Variants in COL11A1 observed in about 807,000 individuals in gnomAD.
COL11A1 encodes the protein collagen type XI alpha 1 chain.
A neutral mutation model predicts 265.2 loss-of-function variants in COL11A1; 74 were observed. The observed-to-expected ratio is 0.28, with a 90% CI of 0.23 to 0.34. The LOEUF (loss-of-function observed/expected upper bound fraction) is 0.34, where lower values mean the gene tolerates loss of function less well. Ranked by LOEUF, COL11A1 falls within the 10% of genes least tolerant of loss-of-function variation. The pLI, the probability that COL11A1 is intolerant of heterozygous loss-of-function variation, is 1.00. For missense variants in COL11A1, 2,165 were observed against 2,263.6 expected (o/e 0.96, Z 0.88); for synonymous variants, 816 against 727.6 (o/e 1.12, Z -1.96).
At position 103,014,557 on chromosome 1, in the gene COL11A1, A is replaced by G; in HGVS notation, c.1526T>C (p.Ile509Thr). The G allele has an allele frequency of 1.2e-6, 2 of 1,613,752 alleles. No homozygotes were observed. Among genetic ancestry groups the G allele is most frequent in the Non-Finnish European group, 1.7e-6 (2 of 1,179,768 alleles). ...YGGDGSKGPT[I>T]SAQEAQAQAI... is the part of the protein sequence containing the mutation. ...TTGAGCCTGAGCTTCCTGAGCAGAG[A>G]TGGTTGGTCCTTTGGAACCATCACC... The change falls in exon 13 of 67, where the codon ATC becomes ACC. Residue 509 changes from isoleucine (I) to threonine (T), a missense_variant. Ile to Thr is a moderately conservative substitution (Grantham distance 89). Transcript: ENST00000370096.
intron 46 of COL11A1, among the ~76,000 whole-genome samples, chr1:102,928,019 T>A (rs1656833793): frequency 6.6e-6 from 1 of 152,124 alleles, no homozygotes; most frequent in Non-Finnish European, 1.5e-5. Context: ...TGCCTGGGAC[T>A]TCGTGTTCCT....
At chr1:103,001,008 CA>C (rs1665050687) in intron 24 of COL11A1, 3 of 392,452 alleles carry the variant, frequency 7.6e-6, no homozygotes, top group Non-Finnish European at 1.3e-5. Flanking sequence ...GTCACATACA[CA>C]TTCATATGAT....
chr1:102,917,662 T>C (rs1408115075), intron 49 of COL11A1, among the ~76,000 whole-genome samples: 2 of 151,928 alleles, frequency 1.3e-5, no homozygotes, highest in South Asian at 2.1e-4. Context: ...TTCGTTCTTA[T>C]CAACTATAAA....
intron 41 of COL11A1, among the ~76,000 whole-genome samples, chr1:102,955,147 T>C (rs911850757): frequency 2.0e-5 from 3 of 151,826 alleles, no homozygotes; most frequent in African/African-American, 7.3e-5. Flanking sequence ...ATGTATAGAG[T>C]CTGACTTGGC....
chr1:103,012,245 G>T (rs535343503), intron 14 of COL11A1, among the ~76,000 whole-genome samples, 168 bp downstream of exon 14: 1 of 151,742 alleles, frequency 6.6e-6, no homozygotes, highest in African/African-American at 2.4e-5. Flanking sequence ...TGATCAAAAT[G>T]TACAGAAAAC....
intron 4 of COL11A1, among the ~76,000 whole-genome samples, chr1:103,061,161 G>A (rs1670645271): frequency 6.6e-6 from 1 of 152,084 alleles, no homozygotes; most frequent in African/African-American, 2.4e-5. Flanking sequence ...TAGAGATAAA[G>A]TGAGGCATTA....
At chr1:103,106,193 G>T (rs1337190) in intron 1 of COL11A1, among the ~76,000 whole-genome samples, 10,076 of 152,060 alleles carry the variant, frequency 0.066, 489 homozygotes, top group African/African-American at 0.13. Context: ...TTCACATATC[G>T]CCACAGAAAG....
chr1:103,073,924 A>G (rs1242519426), intron 4 of COL11A1, among the ~76,000 whole-genome samples: 1 of 152,012 alleles, frequency 6.6e-6, no homozygotes, highest in Non-Finnish European at 1.5e-5. Flanking sequence ...TTGACAAAGA[A>G]ACGACTCAAA....
chr1:102,881,020 A>G (rs1357141196), intron 65 of COL11A1, among the ~76,000 whole-genome samples: 3 of 152,086 alleles, frequency 2.0e-5, no homozygotes, highest in Non-Finnish European at 4.4e-5. Flanking sequence ...TTGTATAGAA[A>G]TAATAACTGT....
chr1:103,033,767 T>G (rs781722953), intron 4 of COL11A1, among the ~76,000 whole-genome samples: 18 of 152,132 alleles, frequency 1.2e-4, no homozygotes, highest in Non-Finnish European at 2.2e-4. Flanking sequence ...GGAACTTTAT[T>G]AGTGAACATT....
chr1:103,035,208 T>C (rs1668272909), intron 4 of COL11A1, among the ~76,000 whole-genome samples: 1 of 152,082 alleles, frequency 6.6e-6, no homozygotes, highest in Non-Finnish European at 1.5e-5. Flanking sequence ...GTATCCTAGA[T>C]GATCAGATTA....
At chr1:103,028,811 A>G (rs1050090450) in intron 5 of COL11A1, among the ~76,000 whole-genome samples, 3 of 152,168 alleles carry the variant, frequency 2.0e-5, no homozygotes, top group African/African-American at 7.2e-5. Context: ...TCCTTTATAA[A>G]AGATTGTCAC....
At chr1:103,018,226 G>T (rs1307106027) in intron 10 of COL11A1, among the ~76,000 whole-genome samples, 2 of 152,118 alleles carry the variant, frequency 1.3e-5, no homozygotes, top group Non-Finnish European at 1.5e-5. Context: ...TGAACATGTA[G>T]AAATCATTTA....
intron 41 of COL11A1, among the ~76,000 whole-genome samples, chr1:102,949,170 T>A (rs189299039): frequency 6.6e-5 from 10 of 152,202 alleles, no homozygotes; most frequent in Admixed American, 4.6e-4. Context: ...TCTACTCAAG[T>A]TAAAATTAAT....
chr1:102,884,084 T>C (rs1650628363), intron 63 of COL11A1, among the ~76,000 whole-genome samples: 1 of 152,178 alleles, frequency 6.6e-6, no homozygotes, highest in Non-Finnish European at 1.5e-5. Flanking sequence ...ATGTAAACAT[T>C]ACTTTGCTTC....
chr1:102,970,206 C>CTTATTA lies in COL11A1; in HGVS notation c.2862+12_2862+13insTAATAA. 1.2e-6 allele frequency: 2 copies of CTTATTA among 1,611,160 alleles called. No individual in the cohort carries two copies. The highest frequency in any genetic ancestry group is 1.7e-6 in the Non-Finnish European group (2 of 1,177,918). ...AGATGGAAATTTTTAATAAGAGTAACAAGGTCACTTACAGTCTCCCCACGT... is the reference window on the plus strand; with the variant it reads ...AGATGGAAATTTTTAATAAGAGTAACTTATTAAAGGTCACTTACAGTCTCCCCACGT... On this transcript the variant is annotated intron_variant, in intron 37 of 66. Transcript: ENST00000370096.
intron 22 of COL11A1, 129 bp from the exon 23 acceptor site, chr1:103,002,610 C>G: frequency 8.9e-7 from 1 of 1,124,826 alleles, no homozygotes; most frequent in Non-Finnish European, 1.3e-6. Context: ...GAAAATATTT[C>G]AAAATATTAA....
At chr1:103,074,313 A>G (rs1391503521) in intron 4 of COL11A1, among the ~76,000 whole-genome samples, 1 of 152,106 alleles carries the variant, frequency 6.6e-6, no homozygotes, top group Non-Finnish European at 1.5e-5. Context: ...TCTTTTCTGC[A>G]AAGAAAATAA....
intron 54 of COL11A1, among the ~76,000 whole-genome samples, chr1:102,907,259 T>C (rs1198476900): frequency 6.6e-6 from 1 of 152,082 alleles, no homozygotes; most frequent in African/African-American, 2.4e-5. Context: ...ATCATCTTTC[T>C]ATAAATTGTA....
Sources: gnomAD v4.1 joint callset for allele counts (sites outside exome capture counted in the v4.1 genomes callset) on GRCh38, gnomAD v4.1.1 for gene constraint, MANE v1.5 for transcripts, NCBI Gene and HGNC (gene_info 2026-07-23, HGNC 2026-07-21) for gene names.